The following CDH8 variants were observed in gnomAD, a reference collection of about 807,000 sequenced individuals.
CDH8 encodes the protein cadherin 8, also known as cadherin-8.
In CDH8, 17 loss-of-function variants were observed where a neutral mutation model predicts 68.1. The ratio of observed to expected loss-of-function variants is 0.25; its 90% CI spans 0.17 to 0.37. CDH8 has a LOEUF of 0.37. CDH8 is among the 10% of genes least tolerant of loss of function. The pLI is 1.00. For synonymous variants in CDH8, 372 were observed against 365.1 expected (o/e 1.02, Z -0.21); for missense variants, 763 against 999.3 (o/e 0.76, Z 3.19).
At chr16:61,989,910 C>G (rs907449416) in intron 2 of CDH8, among the ~76,000 whole-genome samples, 2 of 152,122 alleles carry the variant, frequency 1.3e-5, no homozygotes, top group Admixed American at 6.5e-5. Flanking sequence ...ACCCAGAATG[C>G]AAACTTCTGT....
intron 2 of CDH8, among the ~76,000 whole-genome samples, chr16:61,927,239 T>A (rs921457153): frequency 2.6e-5 from 4 of 152,186 alleles, no homozygotes; most frequent in African/African-American, 7.2e-5. Flanking sequence ...TACTATTTTA[T>A]GGAGTCAGTA....
chr16:62,014,988 A>T (rs1238430814), intron 2 of CDH8, among the ~76,000 whole-genome samples: 1 of 151,886 alleles, frequency 6.6e-6, no homozygotes, highest in Non-Finnish European at 1.5e-5. Flanking sequence ...CTGAGCCAAA[A>T]ATCGATGTTA....
intron 2 of CDH8, among the ~76,000 whole-genome samples, chr16:61,948,058 AC>A (rs1964827589): frequency 6.6e-6 from 1 of 152,174 alleles, no homozygotes; most frequent in Non-Finnish European, 1.5e-5. Context: ...TGATACTGGC[AC>A]AATAATGAGA....
chr16:61,852,375 G>C (rs1962954485), intron 4 of CDH8, among the ~76,000 whole-genome samples: 1 of 152,048 alleles, frequency 6.6e-6, no homozygotes. Flanking sequence ...AGCAGCACTA[G>C]TAGTACCATC....
chr16:61,774,459 G>GAAAAAAAAAAAA (rs11318433), intron 8 of CDH8, among the ~76,000 whole-genome samples: 1 of 123,218 alleles, frequency 8.1e-6, no homozygotes, highest in Non-Finnish European at 1.7e-5. Context: ...ATCACTCAGG[G>GAAAAAAAAAAAA]AAAAAAAAAA....
rs377373256 is a variant in CDH8, at chr16:61,731,866, G to T, written c.1415-4651C>A. ...TATTTAAAAAGGCATAATTAAATAT[G>T]TAAATGAAGATGCCATAACAACATA... On this transcript the variant is annotated intron_variant, in intron 8 of 11. Coordinates refer to ENST00000577390, the MANE Select transcript of CDH8 (RefSeq NM_001796.5). Among the ~76,000 whole-genome samples the T allele has an allele frequency of 9.2e-5, 14 of 151,818 alleles. No homozygotes were observed. The East Asian group carries it at 2.7e-3, about 30-fold the overall frequency.
At chr16:61,754,811 T>C (rs1960269026) in intron 8 of CDH8, among the ~76,000 whole-genome samples, 1 of 152,142 alleles carries the variant, frequency 6.6e-6, no homozygotes, top group Non-Finnish European at 1.5e-5. Flanking sequence ...CATATGCAGG[T>C]TACCTGGGTA....
chr16:61,674,841 G>C (rs1369958865), intron 10 of CDH8, among the ~76,000 whole-genome samples: 1 of 151,530 alleles, frequency 6.6e-6, no homozygotes, highest in Non-Finnish European at 1.5e-5. Flanking sequence ...ATTTTAGTTG[G>C]TTGCTTTATC....
chr16:61,673,117 C>T (rs1963830331), intron 10 of CDH8, among the ~76,000 whole-genome samples: 1 of 152,090 alleles, frequency 6.6e-6, no homozygotes, highest in Non-Finnish European at 1.5e-5. Context: ...CTCAGGTATT[C>T]AGCATTAGAC....
chr16:61,912,071 C>T (rs1964171255), intron 2 of CDH8, among the ~76,000 whole-genome samples: 2 of 152,092 alleles, frequency 1.3e-5, no homozygotes, highest in South Asian at 2.1e-4. Flanking sequence ...AAACAGGATG[C>T]ATCTTGTTAC....
intron 2 of CDH8, among the ~76,000 whole-genome samples, chr16:61,952,331 G>A (rs1964911115): frequency 6.6e-6 from 1 of 152,106 alleles, no homozygotes; most frequent in African/African-American, 2.4e-5. Flanking sequence ...ATATAATAAT[G>A]TACAGTTGGA....
intron 9 of CDH8, among the ~76,000 whole-genome samples, chr16:61,715,397 A>G (rs893954126): frequency 6.6e-6 from 1 of 151,594 alleles, no homozygotes. Context: ...GAGTTACTTA[A>G]GTCTCTGAAA....
intron 2 of CDH8, among the ~76,000 whole-genome samples, chr16:61,967,133 C>G (rs188630422): frequency 6.6e-6 from 1 of 151,994 alleles, no homozygotes; most frequent in African/African-American, 2.4e-5. Context: ...CCCAGGAGTC[C>G]GAGGCTGCAG....
rs920518603 is a variant in CDH8, at chr16:61,647,819, A to T, written c.*5789T>A. The T allele has an allele frequency of 4.3e-6, 3 of 699,776 alleles. No homozygotes were observed. The highest frequency in any genetic ancestry group is 3.5e-5 in the African/African-American group (2 of 57,080). The allele number at this position is 699,776 out of a possible 1,614,324, so 43.3% of individuals were successfully genotyped here. On this transcript the variant is annotated 3_prime_UTR_variant, in exon 12 of 12. Transcript: ENST00000577390. ...CCTGACCTCTGAGTTCATTGAAGCC[A>T]TGGTTTTCCACAGTCTTTCTCTTCA...
Position 62,013,126 on chromosome 16 carries a change from G to C in CDH8, c.252+8026C>G, listed in dbSNP as rs1395561832. Among the ~76,000 whole-genome samples the C allele has an allele frequency of 2.4e-5, 2 of 83,344 alleles. 1 individual carries two copies. The highest frequency in any genetic ancestry group is 2.7e-4 in the Admixed American group (2 of 7,526). The allele number at this position is 83,344 out of a possible 152,430, so 54.7% of individuals were successfully genotyped here. On this transcript the variant is annotated intron_variant, in intron 2 of 11. Coordinates refer to ENST00000577390, the MANE Select transcript of CDH8 (RefSeq NM_001796.5). Reference sequence around the variant, plus strand: ...AAAAATTAGCCGGGCGCGGTGGCGGGCGCCTGTAGTCCCAGCTACTGGGGA... The same window carrying C: ...AAAAATTAGCCGGGCGCGGTGGCGGCCGCCTGTAGTCCCAGCTACTGGGGA...
intron 10 of CDH8, among the ~76,000 whole-genome samples, chr16:61,656,244 C>T (rs1232047337): frequency 6.6e-6 from 1 of 152,134 alleles, no homozygotes; most frequent in Non-Finnish European, 1.5e-5. Context: ...GACGGACCAA[C>T]GGAGTTTTAC....
intron 2 of CDH8, among the ~76,000 whole-genome samples, chr16:61,938,466 C>T (rs1349072569): frequency 1.3e-5 from 2 of 151,948 alleles, no homozygotes; most frequent in African/African-American, 4.8e-5. Context: ...TTTTGTTTTC[C>T]CCTGCAATAA....
chr16:62,014,021 T>A (rs1215885146), intron 2 of CDH8, among the ~76,000 whole-genome samples: 1 of 152,160 alleles, frequency 6.6e-6, no homozygotes, highest in Non-Finnish European at 1.5e-5. Flanking sequence ...GCATTGATTA[T>A]CCACTCTCTC....
chr16:61,920,448 T>C (rs1198333785), intron 2 of CDH8, among the ~76,000 whole-genome samples: 9 of 148,978 alleles, frequency 6.0e-5, no homozygotes, highest in Non-Finnish European at 9.0e-5. Context: ...GCGAAGGGCA[T>C]GAACAGACAC....
Sources: allele counts gnomAD v4.1 joint callset (sites outside exome capture counted in the v4.1 genomes callset), GRCh38; gene constraint gnomAD v4.1.1; transcripts MANE v1.5; gene names NCBI Gene and HGNC (gene_info 2026-07-23, HGNC 2026-07-21).